Variants in SLC7A14 observed in about 807,000 individuals in gnomAD.
SLC7A14 encodes gamma-aminobutyric acid transporter SLC7A14.
SLC7A14 carries 37 observed loss-of-function variants against 60.2 expected under a neutral mutation model. That is an observed-to-expected ratio of 0.61 (90% CI 0.47 to 0.81). The LOEUF is 0.81. SLC7A14 is among the 30% of genes least tolerant of loss of function. The pLI is 0.00. For missense variants in SLC7A14, 886 were observed against 982.7 expected (o/e 0.90, Z 1.32); for synonymous variants, 399 against 395.8 (o/e 1.01, Z -0.10).
intron 1 of SLC7A14, among the ~76,000 whole-genome samples, chr3:170,559,278 T>G (rs535473045): frequency 2.8e-4 from 42 of 152,334 alleles, no homozygotes; most frequent in African/African-American, 9.6e-4. Context: ...AACTGATTTC[T>G]TAAGTGATTG....
rs550005015 is a variant in SLC7A14, at chr3:170,561,564, C to T, written c.-153+24347G>A. 2.0e-5 allele frequency among the ~76,000 whole-genome samples: 3 copies of T among 152,300 alleles called. No individual in the cohort carries two copies. The South Asian group carries it at 6.2e-4, about 32-fold the overall frequency. ...AAATGAGGCTAGAATATCTGCTCTGCTTACCCCACAGGGTTATGACAAGGA... is the reference window on the plus strand; with the variant it reads ...AAATGAGGCTAGAATATCTGCTCTGTTTACCCCACAGGGTTATGACAAGGA... On this transcript the variant is annotated intron_variant, in intron 1 of 7. Coordinates refer to ENST00000231706, the MANE Select transcript of SLC7A14 (RefSeq NM_020949.3).
At chr3:170,491,593 C>G (rs1007052650) in intron 4 of SLC7A14, among the ~76,000 whole-genome samples, 1 of 151,978 alleles carries the variant, frequency 6.6e-6, no homozygotes, top group Non-Finnish European at 1.5e-5. Flanking sequence ...CTGAGAAGCT[C>G]TCATCCTGAG....
At chr3:170,502,863 T>C (rs903438899) in intron 2 of SLC7A14, 3 of 152,250 alleles carry the variant, frequency 2.0e-5, no homozygotes, top group African/African-American at 7.2e-5. Flanking sequence ...CCAGTTATGC[T>C]GGGCTCCTGT....
At position 170,526,964 on chromosome 3, in the gene SLC7A14, T is replaced by A. The variant is rs1275227719; in HGVS notation, c.-28A>T. Reference sequence around the variant, plus strand: ...TGAGCGATAGGGGATGCAGTGAAGGTCAGCTGATGGAAGGGGGCTACAAAG... The same window carrying A: ...TGAGCGATAGGGGATGCAGTGAAGGACAGCTGATGGAAGGGGGCTACAAAG... On this transcript the variant is annotated 5_prime_UTR_variant, in exon 2 of 8. Coordinates refer to ENST00000231706, the MANE Select transcript of SLC7A14 (RefSeq NM_020949.3). 3.8e-6 allele frequency: 6 copies of A among 1,595,896 alleles called. No homozygotes were observed. Among genetic ancestry groups the A allele is most frequent in the Non-Finnish European group, 5.1e-6 (6 of 1,171,164 alleles).
At chr3:170,543,423 G>C (rs1714080238) in intron 1 of SLC7A14, among the ~76,000 whole-genome samples, 1 of 152,094 alleles carries the variant, frequency 6.6e-6, no homozygotes, top group Non-Finnish European at 1.5e-5. Context: ...GCTGAGGTGG[G>C]CAGGTCACCT....
In SLC7A14 at chr3:170,570,408, C is replaced by G. The variant is rs569281264; in HGVS notation, c.-153+15503G>C. The G allele has an allele frequency of 2.7e-5, 4 of 150,864 alleles. No individual in the cohort carries two copies. The South Asian group carries it at 6.3e-4, about 24-fold the overall frequency. 9.3% of individuals were successfully genotyped at this position (150,864 alleles called of 1,614,324 possible). On this transcript the variant is annotated intron_variant, in intron 1 of 7. Coordinates refer to ENST00000231706, the MANE Select transcript of SLC7A14 (RefSeq NM_020949.3). The stretch of plus-strand genomic sequence containing the variant: ...AGGTTGCAGTAAGCCATAATTGCAC[C>G]GCCGTACTCTAGCCTCGGCAACAGA...
At chr3:170,491,437 CCA>C (rs200980908) in intron 4 of SLC7A14, among the ~76,000 whole-genome samples, 1,885 of 152,256 alleles carry the variant, frequency 0.012, 41 homozygotes, top group African/African-American at 0.043. Context: ...GGAGGTTCTA[CCA>C]CATTAGGCAG....
rs1350561446 is a variant in SLC7A14, at chr3:170,462,945, A to G, written c.*4110T>C. ...CAGACACAGGACTCAAAGTACAGCT[A>G]TTTTTCTCTTTAATTTGTTAAATCA... On this transcript the variant is annotated 3_prime_UTR_variant, in exon 8 of 8. Coordinates refer to ENST00000231706, the MANE Select transcript of SLC7A14 (RefSeq NM_020949.3). 1 of 152,156 alleles carries G rather than the reference A, an allele frequency of 6.6e-6. No homozygotes were observed. The highest frequency in any genetic ancestry group is 2.4e-5 in the African/African-American group (1 of 41,438). 9.4% of individuals were successfully genotyped at this position (152,156 alleles called of 1,614,324 possible). A position where few individuals can be genotyped will look rare whatever the true frequency, so the allele number is the denominator to read the frequency against.
chr3:170,566,063 T>C (rs1714779113), intron 1 of SLC7A14, among the ~76,000 whole-genome samples: 1 of 152,142 alleles, frequency 6.6e-6, no homozygotes, highest in African/African-American at 2.4e-5. Context: ...GTGGTTGCCC[T>C]TCTGTCTTAT....
intron 5 of SLC7A14, 131 bp downstream of exon 5, chr3:170,486,090 TG>T: frequency 8.8e-7 from 1 of 1,135,398 alleles, no homozygotes; most frequent in Non-Finnish European, 1.2e-6. Context: ...TCATGGGGAG[TG>T]GGGAATGGGG....
At chr3:170,495,604 G>C in intron 4 of SLC7A14, 1 of 781,142 alleles carries the variant, frequency 1.3e-6, no homozygotes, top group Non-Finnish European at 2.3e-6. Context: ...AGAGGCTATG[G>C]TGGGGCCAGC....
At chr3:170,566,749 A>C (rs567520102) in intron 1 of SLC7A14, among the ~76,000 whole-genome samples, 346 of 152,218 alleles carry the variant, frequency 2.3e-3, no homozygotes, top group Non-Finnish European at 3.9e-3. Flanking sequence ...ATACTTCTTT[A>C]AGAAAACTGC....
At chr3:170,480,225 T>G in intron 7 of SLC7A14, 64 bp downstream of exon 7, 1 of 1,479,632 alleles carries the variant, frequency 6.8e-7, no homozygotes, top group Non-Finnish European at 9.0e-7. Flanking sequence ...AGGAGGTAAT[T>G]TTGGGATAAG....
intron 2 of SLC7A14, among the ~76,000 whole-genome samples, chr3:170,512,410 G>A (rs1713006910): frequency 6.6e-6 from 1 of 152,168 alleles, no homozygotes; most frequent in Non-Finnish European, 1.5e-5. Context: ...CTTCATGACA[G>A]GGATGCCAAC....
At chr3:170,553,264 T>C (rs933007500) in intron 1 of SLC7A14, among the ~76,000 whole-genome samples, 3 of 152,106 alleles carry the variant, frequency 2.0e-5, no homozygotes, top group Non-Finnish European at 2.9e-5. Context: ...GTCGAAAGAG[T>C]GAATCTTCAG....
At chr3:170,478,194 C>A (rs1347331236) in intron 7 of SLC7A14, among the ~76,000 whole-genome samples, 3 of 152,142 alleles carry the variant, frequency 2.0e-5, no homozygotes, top group Non-Finnish European at 2.9e-5. Context: ...TTTCCTGTCT[C>A]ATCCTCCCAA....
intron 5 of SLC7A14, among the ~76,000 whole-genome samples, chr3:170,485,687 G>C (rs935128537): frequency 3.3e-5 from 5 of 152,136 alleles, no homozygotes; most frequent in African/African-American, 1.2e-4. Flanking sequence ...AGGTGAATTT[G>C]AGCTGGTGTA....
chr3:170,537,863 A>AGGC, intron 1 of SLC7A14, among the ~76,000 whole-genome samples: 1 of 152,210 alleles, frequency 6.6e-6, no homozygotes, highest in Non-Finnish European at 1.5e-5. Context: ...TATTTTCTGC[A>AGGC]TATAATGTTA....
chr3:170,480,265 A>C, intron 7 of SLC7A14, 24 bp downstream of exon 7: 1 of 1,516,438 alleles, frequency 6.6e-7, no homozygotes, highest in Admixed American at 2.3e-5. Context: ...GGGAACTCTT[A>C]AGGCTCCAAA....
Sources: gnomAD v4.1 joint callset for allele counts (sites outside exome capture counted in the v4.1 genomes callset) on GRCh38, gnomAD v4.1.1 for gene constraint, MANE v1.5 for transcripts, NCBI Gene and HGNC (gene_info 2026-07-23, HGNC 2026-07-21) for gene names.